CACNA1A: variants seen among roughly 807,000 people sequenced by gnomAD.
CACNA1A encodes calcium voltage-gated channel subunit alpha1 A.
Under a neutral mutation model 262.4 loss-of-function variants are expected in CACNA1A, and 57 were observed. The ratio of observed to expected loss-of-function variants is 0.22; its 90% confidence interval spans 0.18 to 0.27. The LOEUF (loss-of-function observed/expected upper bound fraction) is 0.27, where lower values mean the gene tolerates loss of function less well. Ranked by LOEUF, CACNA1A falls within the 10% of genes least tolerant of loss-of-function variation. CACNA1A has a pLI of 1.00. For missense variants in CACNA1A, 2,526 were observed against 3,562.8 expected (o/e 0.71, Z 7.41); for synonymous variants, 1,431 against 1,419.3 (o/e 1.01, Z -0.18).
At chr19:13,262,958 C>T in intron 24 of CACNA1A, 125 bp from the exon 25 acceptor site, 1 of 705,834 alleles carries the variant, frequency 1.4e-6, no homozygotes, top group South Asian at 1.5e-5. Context: ...GTGAGCTTGG[C>T]ACAGCCCTGC....
intron 6 of CACNA1A, among the ~76,000 whole-genome samples, chr19:13,336,605 GAGAGAGA>G (rs2058577632): frequency 2.3e-5 from 3 of 131,622 alleles, no homozygotes; most frequent in East Asian, 4.8e-4. Context: ...GAGAGAGAGA[GAGAGAGA>G]GAGAGAGAGA....
chr19:13,328,859 G>A (rs1386274970), intron 10 of CACNA1A, among the ~76,000 whole-genome samples: 1 of 151,928 alleles, frequency 6.6e-6, no homozygotes, highest in Admixed American at 6.6e-5. Flanking sequence ...AGAAACTATG[G>A]ATCAGAAACA....
At position 13,365,299 on chromosome 19, in the gene CACNA1A, C is replaced by A. The variant is rs1286244732; in HGVS notation, c.784+18G>T. 4 of 1,601,378 alleles carry A rather than the reference C, an allele frequency of 2.5e-6. No individual in the cohort carries two copies. In the South Asian group the frequency reaches 4.5e-5, roughly 18 times the overall value. ...GAAGGAGAAAACTGGAAAGATGCAT[C>A]ATGCTCCGTGGACCTACCTGTCCCC... On this transcript the variant is annotated intron_variant, in intron 5 of 46. Coordinates refer to ENST00000360228, the MANE Select transcript of CACNA1A (RefSeq NM_001127222.2).
intron 3 of CACNA1A, among the ~76,000 whole-genome samples, chr19:13,446,610 C>CTTTT (rs528828997): frequency 1.7e-5 from 2 of 120,018 alleles, no homozygotes; most frequent in African/African-American, 3.1e-5. Context: ...CCATGCCAGG[C>CTTTT]TTTTTTTTTT....
At chr19:13,344,439 T>A (rs970186981) in intron 6 of CACNA1A, among the ~76,000 whole-genome samples, 1 of 152,090 alleles carries the variant, frequency 6.6e-6, no homozygotes, top group Non-Finnish European at 1.5e-5. Context: ...CAACCTTAGA[T>A]CCATTGTGCC....
At chr19:13,330,174 C>T in intron 10 of CACNA1A, 70 bp downstream of exon 10, 4 of 1,145,904 alleles carry the variant, frequency 3.5e-6, no homozygotes, top group Non-Finnish European at 3.8e-6. Context: ...AAGCCCTCTG[C>T]CCCCACCCCA....
intron 3 of CACNA1A, among the ~76,000 whole-genome samples, chr19:13,433,289 T>C (rs1178486778): frequency 8.4e-6 from 1 of 119,658 alleles, no homozygotes; most frequent in Non-Finnish European, 1.7e-5. Flanking sequence ...CGAGACTCTG[T>C]CTCAAAAAAA....
intron 38 of CACNA1A, among the ~76,000 whole-genome samples, chr19:13,224,099 T>TCAGGAGTTC (rs2055341574): frequency 6.6e-6 from 1 of 151,714 alleles, no homozygotes; most frequent in African/African-American, 2.4e-5. Flanking sequence ...GTCAGGAGTT[T>TCAGGAGTTC]GAGACCAGAG....
chr19:13,380,463 T>C (rs1316834673), intron 3 of CACNA1A, among the ~76,000 whole-genome samples: 2 of 150,634 alleles, frequency 1.3e-5, no homozygotes, highest in African/African-American at 4.9e-5. Context: ...CTGGCCAACA[T>C]GGCGAAACTC....
At position 13,228,412 on chromosome 19, in the gene CACNA1A, T is replaced by C. The variant is rs117340172; in HGVS notation, c.5529-885A>G. On this transcript the variant is annotated intron_variant, in intron 36 of 46. Coordinates refer to ENST00000360228, the MANE Select transcript of CACNA1A (RefSeq NM_001127222.2). ...ACAATCCCCCAGGGGATGTATCTGA[T>C]TTGGGGTGCCGTGGAGACCCCAGGA... is the stretch of plus-strand genomic sequence containing the variant. 0.011 allele frequency among the ~76,000 whole-genome samples: 1,714 copies of C among 151,848 alleles called. 11 individuals are homozygous for C. Among genetic ancestry groups the C allele is most frequent in the Non-Finnish European group, 0.015 (1,053 of 67,974 alleles).
rs936005966 is a variant in CACNA1A, at chr19:13,275,625, A to T, written c.3989+225T>A. The T allele has an allele frequency of 3.4e-5, 19 of 564,114 alleles. No homozygotes were observed. The South Asian group carries it at 3.5e-4, about 10-fold the overall frequency. 34.9% of individuals were successfully genotyped at this position (564,114 alleles called of 1,614,324 possible). ...GGCTGAGGCCCGTTGCTGTGTGAGG[A>T]GGTAGAAGGTTGGCAGGAGGGGGGG... is the stretch of plus-strand genomic sequence containing the variant. On this transcript the variant is annotated intron_variant, in intron 24 of 46. Coordinates refer to ENST00000360228, the MANE Select transcript of CACNA1A (RefSeq NM_001127222.2).
At position 13,207,583 on chromosome 19, in the gene CACNA1A, C is replaced by T. The variant is rs1488018867; in HGVS notation, c.7251G>A (p.Glu2417=). ...CGCCCCCGCTGCCCGGGCCATCGGC[C>T]TCGTCGTAGTCGGAGCCCCGGTAGT... The part of the protein sequence containing the change: ...HGYYRGSDYD[E]ADGPGSGGGE... The change falls in exon 47 of 47, where the codon GAG becomes GAA. Residue 2417 remains glutamate (E), a synonymous_variant. Transcript: ENST00000360228. The surrounding 1 kb of genome is among the most constrained non-coding windows in gnomAD (Gnocchi z 5.7). 1.5e-5 allele frequency: 22 copies of T among 1,479,784 alleles called. No homozygotes were observed. The highest frequency in any genetic ancestry group is 2.5e-5 in the South Asian group (2 of 79,152). 91.7% of individuals were successfully genotyped at this position (1,479,784 alleles called of 1,614,324 possible).
intron 3 of CACNA1A, among the ~76,000 whole-genome samples, chr19:13,394,434 T>C (rs1020219446): frequency 1.3e-5 from 2 of 152,146 alleles, no homozygotes; most frequent in Non-Finnish European, 2.9e-5. Flanking sequence ...CAAGAAACAG[T>C]TGGAAGATCT....
chr19:13,353,311 T>TC (rs2058948575), intron 6 of CACNA1A, among the ~76,000 whole-genome samples: 1 of 151,134 alleles, frequency 6.6e-6, no homozygotes, highest in Admixed American at 6.6e-5. Context: ...TTTTTTTTTT[T>TC]TGTAGAGATT....
chr19:13,371,025 G>A (rs1171299923), intron 4 of CACNA1A: 1 of 152,146 alleles, frequency 6.6e-6, no homozygotes, highest in Admixed American at 6.5e-5. Flanking sequence ...GGGACTAGAT[G>A]TATCTGTGGA....
chr19:13,331,675 T>C (rs952057523), intron 9 of CACNA1A, among the ~76,000 whole-genome samples: 5 of 151,580 alleles, frequency 3.3e-5, no homozygotes, highest in Admixed American at 3.3e-4. Context: ...TCTAAATTCT[T>C]TTTTTTTCTT....
At chr19:13,309,606 T>C (rs971137995) in intron 12 of CACNA1A, among the ~76,000 whole-genome samples, 1 of 151,666 alleles carries the variant, frequency 6.6e-6, no homozygotes, top group African/African-American at 2.4e-5. Flanking sequence ...GGAGGGAGGA[T>C]AGCTTGAGCC....
chr19:13,218,036 A>G (rs1223358229), intron 38 of CACNA1A, among the ~76,000 whole-genome samples: 1 of 150,744 alleles, frequency 6.6e-6, no homozygotes, highest in East Asian at 1.9e-4. Context: ...TCAGCCTCCC[A>G]AAGTGCTGGG....
In CACNA1A at chr19:13,235,003, C is replaced by T. The variant is rs931067957; in HGVS notation, c.5167G>A (p.Glu1723Lys). The T allele has an allele frequency of 4.3e-6, 7 of 1,613,628 alleles. No homozygotes were observed. The highest frequency in any genetic ancestry group is 5.9e-6 in the Non-Finnish European group (7 of 1,179,660). The change falls in exon 34 of 47, where the codon GAG becomes AAG. Residue 1723 changes from glutamate (E) to lysine (K), a missense_variant. Glu to Lys is a moderately conservative substitution (Grantham distance 56, BLOSUM62 1). Coordinates refer to ENST00000360228, the MANE Select transcript of CACNA1A (RefSeq NM_001127222.2). ...FGNIGIDVED[E>K]DSDEDEFQIT... is the part of the protein sequence containing the mutation. ...TGGAACTCATCTTCATCACTGTCCT[C>T]GTCCTCCACGTCGATGCCAATGTTA...
Sources: allele counts gnomAD v4.1 joint callset (sites outside exome capture counted in the v4.1 genomes callset), GRCh38; gene constraint gnomAD v4.1.1; non-coding constraint Gnocchi (gnomAD v3.1); transcripts MANE v1.5; gene names NCBI Gene and HGNC (gene_info 2026-07-23, HGNC 2026-07-21).